LGALS8: variants seen among roughly 807,000 people sequenced by gnomAD.
LGALS8 encodes the protein galectin-8.
A neutral mutation model predicts 35.9 loss-of-function variants in LGALS8; 30 were observed. The ratio of observed to expected loss-of-function variants is 0.83; its 90% CI spans 0.62 to 1.13. The LOEUF is 1.13. LGALS8 is among the 50% of genes most tolerant of loss of function. LGALS8 has a pLI of 0.00. For missense variants in LGALS8, 366 were observed against 388.7 expected, an observed-to-expected ratio of 0.94 and a Z score of 0.49; for synonymous variants, 138 against 136.1, an observed-to-expected ratio of 1.01 and a Z score of -0.10.
chr1:236,542,978 G>T (rs2273863), intron 7 of LGALS8, 191 bp downstream of exon 7: 78,918 of 1,613,902 alleles, frequency 0.049, 3,545 homozygotes, highest in African/African-American at 0.19. Context: ...CAAGAGCAAA[G>T]ATTCGACTGT....
chr1:236,537,675 TG>T, intron 3 of LGALS8, 90 bp downstream of exon 3: 1 of 958,218 alleles, frequency 1.0e-6, no homozygotes, highest in Admixed American at 1.9e-5. Flanking sequence ...AGAGACCATT[TG>T]ATACTTTGAG....
At chr1:236,529,622 G>GTTTTTTTT (rs11316979) in intron 2 of LGALS8, among the ~76,000 whole-genome samples, 1 of 114,746 alleles carries the variant, frequency 8.7e-6, no homozygotes, top group African/African-American at 3.5e-5. Context: ...TTCCTTTTCT[G>GTTTTTTTT]TTTTTTTTTT....
At chr1:236,529,591 A>G (rs1423757611) in intron 2 of LGALS8, among the ~76,000 whole-genome samples, 6 of 150,020 alleles carry the variant, frequency 4.0e-5, no homozygotes, top group Non-Finnish European at 8.9e-5. Flanking sequence ...CAAAAAAAAA[A>G]AAAGAAAAAA....
chr1:236,552,410 G>A lies in LGALS8; in HGVS notation c.*4249G>A, dbSNP rs2758999. On this transcript the variant is annotated 3_prime_UTR_variant, in exon 10 of 10. Coordinates refer to ENST00000366584, the MANE Select transcript of LGALS8 (RefSeq NM_201544.4). ...AAAAAAACCAATAAAATAAAATGCC[G>A]CATGCAAACTCAAGTGTGTCACCAG... The A allele has an allele frequency of 0.54, 95,959 of 176,186 alleles. 28,522 individuals are homozygous for A. The highest frequency in any genetic ancestry group is 0.66 in the Non-Finnish European group (55,358 of 84,332). The allele number at this position is 176,186 out of a possible 1,614,324, so 10.9% of individuals were successfully genotyped here.
chr1:236,533,644 T>C (rs1661279202), intron 2 of LGALS8, among the ~76,000 whole-genome samples: 1 of 152,066 alleles, frequency 6.6e-6, no homozygotes, highest in African/African-American at 2.4e-5. Context: ...CCCATTTTTT[T>C]TTTTTTTAAA....
chr1:236,539,595 A>C (rs116639430), intron 4 of LGALS8, among the ~76,000 whole-genome samples: 1 of 151,768 alleles, frequency 6.6e-6, no homozygotes, highest in Non-Finnish European at 1.5e-5. Context: ...CCTAGCGTGT[A>C]TGTGTACGGT....
chr1:236,523,083 C>T (rs915854953), upstream of LGALS8: 2 of 152,194 alleles, frequency 1.3e-5, no homozygotes, highest in Non-Finnish European at 2.9e-5. Context: ...AAGTGGCTGA[C>T]ATGACTTTGT....
At chr1:236,537,632 T>G (rs1236930337) in intron 3 of LGALS8, 47 bp downstream of exon 3, 3 of 1,322,632 alleles carry the variant, frequency 2.3e-6, no homozygotes, top group Non-Finnish European at 3.3e-6. Flanking sequence ...GCTGTCTTTT[T>G]GTGATTGTGG....
chr1:236,544,135 TAG>T (rs991851449), intron 8 of LGALS8, among the ~76,000 whole-genome samples: 3 of 152,066 alleles, frequency 2.0e-5, no homozygotes, highest in African/African-American at 7.2e-5. Flanking sequence ...GTATTTTTAG[TAG>T]AGACAGGGGT....
intron 2 of LGALS8, among the ~76,000 whole-genome samples, chr1:236,529,723 A>G (rs1032843544): frequency 1.1e-4 from 15 of 133,256 alleles, no homozygotes; most frequent in Non-Finnish European, 1.5e-4. Context: ...ATCTCGGCTC[A>G]CTGCCACCTT....
In LGALS8 at chr1:236,551,083, C is replaced by T. The variant is rs1253475647; in HGVS notation, c.*2922C>T. The T allele has an allele frequency of 4.4e-5, 45 of 1,018,568 alleles. No individual in the cohort carries two copies. The highest frequency in any genetic ancestry group is 1.6e-5 in the South Asian group (1 of 60,816). 63.1% of individuals were successfully genotyped at this position (1,018,568 alleles called of 1,614,324 possible). Reference sequence around the variant, plus strand: ...TTAATTCTTAATGCCTTGCACTTTCCGGCAATCATTCAATCAAAAGAGTGA... The same window carrying T: ...TTAATTCTTAATGCCTTGCACTTTCTGGCAATCATTCAATCAAAAGAGTGA... On this transcript the variant is annotated 3_prime_UTR_variant, in exon 10 of 10. Coordinates refer to ENST00000366584, the MANE Select transcript of LGALS8 (RefSeq NM_201544.4).
In LGALS8 at chr1:236,529,717, C is replaced by T. The variant is rs572265499; in HGVS notation, c.45+3602C>T. ...ATGCTGGAGTGCAGTGGTGCAATCT[C>T]GGCTCACTGCCACCTTTGCCTCCTG... On this transcript the variant is annotated intron_variant, in intron 2 of 9. Coordinates refer to ENST00000366584, the MANE Select transcript of LGALS8 (RefSeq NM_201544.4). 5.8e-5 allele frequency among the ~76,000 whole-genome samples: 8 copies of T among 138,804 alleles called. No individual in the cohort carries two copies. In the East Asian group the frequency reaches 1.6e-3, roughly 28 times the overall value. 91.1% of individuals were successfully genotyped at this position (138,804 alleles called of 152,430 possible).
At chr1:236,520,692 TCTC>T (rs1233525130), upstream of LGALS8, among the ~76,000 whole-genome samples, 1 of 152,164 alleles carries the variant, frequency 6.6e-6, no homozygotes, top group African/African-American at 2.4e-5. Context: ...GGTTGTCCCT[TCTC>T]AGTCTCATTT....
intron 2 of LGALS8, among the ~76,000 whole-genome samples, chr1:236,533,431 T>C (rs1558158719): frequency 1.3e-5 from 2 of 151,698 alleles, no homozygotes; most frequent in Admixed American, 1.3e-4. Flanking sequence ...GCCTCCTGGG[T>C]TCAAGTGATT....
upstream of LGALS8, among the ~76,000 whole-genome samples, chr1:236,522,776 G>A (rs1017898273): frequency 2.0e-5 from 3 of 152,176 alleles, no homozygotes; most frequent in Non-Finnish European, 4.4e-5. Flanking sequence ...GGCAGTGTAT[G>A]TCAAGGGTAA....
At chr1:236,534,077 T>C (rs1158448125) in intron 2 of LGALS8, among the ~76,000 whole-genome samples, 2 of 152,220 alleles carry the variant, frequency 1.3e-5, no homozygotes, top group East Asian at 3.8e-4. Context: ...TGGCTTCTTC[T>C]TGTCACTGGT....
intron 2 of LGALS8, among the ~76,000 whole-genome samples, chr1:236,527,039 T>C (rs1301046448): frequency 6.6e-6 from 1 of 152,220 alleles, no homozygotes; most frequent in Non-Finnish European, 1.5e-5. Flanking sequence ...AAGCGGAAGC[T>C]TGTGAGACAT....
At chr1:236,523,109 T>C (rs558065731), upstream of LGALS8, 4 of 152,354 alleles carry the variant, frequency 2.6e-5, no homozygotes, top group Admixed American at 2.6e-4. Context: ...TTTATTTGTA[T>C]TTCTGGCTGG....
chr1:236,550,906 A>G lies in LGALS8; in HGVS notation c.*2745A>G. On this transcript the variant is annotated 3_prime_UTR_variant, in exon 10 of 10. Coordinates refer to ENST00000366584, the MANE Select transcript of LGALS8 (RefSeq NM_201544.4). ...TATGAAACACCACAGAAAGTCTTAG[A>G]AATAGCTCTGGAGTGGCTCTCCCAG... 1 of 1,601,406 alleles carries G rather than the reference A, an allele frequency of 6.2e-7. No homozygotes were observed. The highest frequency in any genetic ancestry group is 8.5e-7 in the Non-Finnish European group (1 of 1,175,314).
Sources: gnomAD v4.1 joint callset for allele counts (sites outside exome capture counted in the v4.1 genomes callset) on GRCh38, gnomAD v4.1.1 for gene constraint, MANE v1.5 for transcripts, NCBI Gene and HGNC (gene_info 2026-07-23, HGNC 2026-07-21) for gene names.